OSBPL10: variants seen among roughly 807,000 people sequenced by gnomAD.
OSBPL10 encodes oxysterol binding protein like 10.
Under a neutral mutation model 81.7 loss-of-function variants are expected in OSBPL10, and 49 were observed. That is an observed-to-expected ratio of 0.60 (90% confidence interval 0.48 to 0.76). The LOEUF (loss-of-function observed/expected upper bound fraction) is 0.76. OSBPL10 is among the 30% of genes least tolerant of loss of function. OSBPL10 has a pLI of 0.00. For missense variants in OSBPL10, 923 were observed against 987.8 expected (o/e 0.93, Z 0.88); for synonymous variants, 419 against 383.6 (o/e 1.09, Z -1.08).
At position 31,668,634 on chromosome 3, in the gene OSBPL10, GT is replaced by G; in HGVS notation, c.2096+7del. The G allele has an allele frequency of 6.2e-7, 1 of 1,607,874 alleles. No homozygotes were observed. The highest frequency in any genetic ancestry group is 8.5e-7 in the Non-Finnish European group (1 of 1,176,348). On this transcript the variant is annotated splice_region_variant and intron_variant, in intron 10 of 11. Transcript: ENST00000396556. Reference sequence around the variant, plus strand: ...AAGCTGGAGAGGAAGACACAGCCCGGTTCTCACCTGGACTCCATGGGTCCCT... The same window carrying G: ...AAGCTGGAGAGGAAGACACAGCCCGGTCTCACCTGGACTCCATGGGTCCCT...
intron 2 of OSBPL10, among the ~76,000 whole-genome samples, chr3:32,008,934 A>G (rs1304640730): frequency 2.6e-5 from 4 of 152,212 alleles, no homozygotes; most frequent in Non-Finnish European, 4.4e-5. Context: ...AAGTGCTTAC[A>G]TATATTTTTT....
chr3:31,854,218 G>C (rs1000138677), intron 3 of OSBPL10, among the ~76,000 whole-genome samples: 9 of 151,300 alleles, frequency 5.9e-5, no homozygotes, highest in Admixed American at 2.0e-4. Flanking sequence ...TAACTGTAAA[G>C]GCCAAACTGA....
intron 1 of OSBPL10, among the ~76,000 whole-genome samples, chr3:31,946,931 A>G (rs547826768): frequency 6.6e-6 from 1 of 152,296 alleles, no homozygotes; most frequent in African/African-American, 2.4e-5. Context: ...GGAGCATCGA[A>G]ACAAAGACAA....
intron 2 of OSBPL10, among the ~76,000 whole-genome samples, chr3:32,002,192 G>A (rs1336126206): frequency 6.6e-6 from 1 of 152,068 alleles, no homozygotes; most frequent in African/African-American, 2.4e-5. Context: ...AACAGAAATT[G>A]CTTCTCTCTT....
rs200297650 is a variant in OSBPL10, at chr3:31,999,363, T to C, written n.298+47128A>G. 2.4e-4 allele frequency among the ~76,000 whole-genome samples: 32 copies of C among 135,684 alleles called. No homozygotes were observed. The East Asian group carries it at 2.4e-3, about 10-fold the overall frequency. The allele number at this position is 135,684 out of a possible 152,430, so 89.0% of individuals were successfully genotyped here. A position where few individuals can be genotyped will look rare whatever the true frequency, so the allele number is the denominator to read the frequency against. On this transcript the variant is annotated intron_variant and non_coding_transcript_variant, in intron 2 of 3. Coordinates refer to the OSBPL10 transcript ENST00000479173. Reference sequence around the variant, plus strand: ...TTCAGATAAAAATATCAAAATCTTTTTTTTTTTTTTTTTTTGAGACAAGGT... The same window carrying C: ...TTCAGATAAAAATATCAAAATCTTTCTTTTTTTTTTTTTTTGAGACAAGGT...
At chr3:31,967,021 T>A (rs1460737476) in intron 1 of OSBPL10, among the ~76,000 whole-genome samples, 1 of 151,934 alleles carries the variant, frequency 6.6e-6, no homozygotes, top group Non-Finnish European at 1.5e-5. Flanking sequence ...TTTTTTTTTT[T>A]AATAAATGGT....
intron 1 of OSBPL10, among the ~76,000 whole-genome samples, chr3:31,942,514 G>A (rs1273954798): frequency 1.0e-4 from 13 of 123,904 alleles, no homozygotes; most frequent in South Asian, 5.3e-4. Context: ...CAGCCTGGGC[G>A]ACAGGGTGAG....
At chr3:31,924,904 T>C (rs749696021) in intron 1 of OSBPL10, among the ~76,000 whole-genome samples, 9 of 152,208 alleles carry the variant, frequency 5.9e-5, no homozygotes, top group Non-Finnish European at 1.2e-4. Context: ...GATAATTTCA[T>C]CTTTTCTTTT....
intron 1 of OSBPL10, among the ~76,000 whole-genome samples, chr3:31,891,385 T>C (rs751898866): frequency 2.0e-5 from 3 of 152,176 alleles, no homozygotes; most frequent in Non-Finnish European, 4.4e-5. Context: ...AGGACCACAC[T>C]TTGGGAACCA....
chr3:31,987,105 T>C (rs143082460), intron 2 of OSBPL10, among the ~76,000 whole-genome samples: 60 of 139,252 alleles, frequency 4.3e-4, no homozygotes, highest in African/African-American at 1.8e-3. Context: ...TCCATATATA[T>C]GTATGTGTAT....
At chr3:31,906,738 C>G (rs1696418186) in intron 1 of OSBPL10, 1 of 152,208 alleles carries the variant, frequency 6.6e-6, no homozygotes, top group Non-Finnish European at 1.5e-5. Context: ...CCAAATCTGC[C>G]AAGCATGGTG....
At chr3:31,862,303 T>C (rs912705831) in intron 3 of OSBPL10, among the ~76,000 whole-genome samples, 16 of 152,254 alleles carry the variant, frequency 1.1e-4, no homozygotes, top group African/African-American at 3.9e-4. Flanking sequence ...GGACCACACA[T>C]AGACATGCAA....
intron 2 of OSBPL10, chr3:31,989,502 T>C (rs187640039): frequency 2.4e-5 from 38 of 1,614,140 alleles, no homozygotes; most frequent in Non-Finnish European, 3.1e-5. Context: ...CCGACAGATA[T>C]GATCGAAGGC....
At chr3:31,932,216 T>C (rs1697269579) in intron 1 of OSBPL10, among the ~76,000 whole-genome samples, 1 of 152,194 alleles carries the variant, frequency 6.6e-6, no homozygotes, top group South Asian at 2.1e-4. Flanking sequence ...TTGCCAATGA[T>C]AAGTTTATGC....
At chr3:31,793,311 C>G (rs1422738522) in intron 4 of OSBPL10, among the ~76,000 whole-genome samples, 1 of 152,224 alleles carries the variant, frequency 6.6e-6, no homozygotes, top group South Asian at 2.1e-4. Context: ...CAGCTTCCCT[C>G]AACTCTGTTG....
chr3:31,915,205 A>G (rs1025945935), intron 1 of OSBPL10, among the ~76,000 whole-genome samples: 11 of 151,974 alleles, frequency 7.2e-5, no homozygotes, highest in African/African-American at 2.4e-4. Flanking sequence ...CAGGGGGGAA[A>G]AAAAACCATT....
intron 2 of OSBPL10, chr3:31,990,810 A>G (rs898457746): frequency 6.2e-7 from 1 of 1,604,978 alleles, no homozygotes; most frequent in South Asian, 1.1e-5. Flanking sequence ...CCTTCAGTCA[A>G]GCTTCATCTT....
chr3:31,735,505 C>T (rs549307062), intron 5 of OSBPL10, among the ~76,000 whole-genome samples: 50 of 152,284 alleles, frequency 3.3e-4, no homozygotes, highest in African/African-American at 1.2e-3. Flanking sequence ...ATCTAAGCTG[C>T]CTGGCTTTGC....
chr3:31,927,397 T>G (rs997251516), intron 1 of OSBPL10, among the ~76,000 whole-genome samples: 4 of 152,240 alleles, frequency 2.6e-5, no homozygotes, highest in Non-Finnish European at 1.5e-5. Context: ...ACACATCTTT[T>G]AAGCTAGCTT....
Sources: gnomAD v4.1 joint callset for allele counts (sites outside exome capture counted in the v4.1 genomes callset) on GRCh38, gnomAD v4.1.1 for gene constraint, MANE v1.5 for transcripts, NCBI Gene and HGNC (gene_info 2026-07-23, HGNC 2026-07-21) for gene names.